Variants in SLC24A2 observed in about 807,000 individuals in gnomAD.
SLC24A2 encodes solute carrier family 24 member 2.
Under a neutral mutation model 62.0 loss-of-function variants are expected in SLC24A2, and 36 were observed. The observed-to-expected ratio is 0.58, with a 90% CI of 0.44 to 0.77. SLC24A2 has a LOEUF of 0.77. SLC24A2 is among the 30% of genes least tolerant of loss of function. SLC24A2 has a pLI of 0.00. For synonymous variants in SLC24A2, 358 were observed against 294.0 expected (o/e 1.22, Z -2.23); for missense variants, 846 against 817.9 (o/e 1.03, Z -0.42).
chr9:19,561,646 G>A (rs1263421052), intron 7 of SLC24A2, among the ~76,000 whole-genome samples: 2 of 151,366 alleles, frequency 1.3e-5, no homozygotes, highest in East Asian at 3.9e-4. Flanking sequence ...CATCCAGGAT[G>A]GTCTTGACCT....
chr9:19,653,854 C>T (rs1413555655), intron 2 of SLC24A2, among the ~76,000 whole-genome samples: 1 of 152,180 alleles, frequency 6.6e-6, no homozygotes, highest in African/African-American at 2.4e-5. Flanking sequence ...CTCAAAGTTG[C>T]AGCCTCAGAG....
At chr9:19,838,364 A>T in the SLC24A2 span, among the ~76,000 whole-genome samples, 2 of 152,142 alleles carry the variant, frequency 1.3e-5, no homozygotes, top group Non-Finnish European at 2.9e-5. Flanking sequence ...CTGGCTAGCC[A>T]TATGGAGAAA....
At chr9:20,092,259 T>C in the SLC24A2 span, among the ~76,000 whole-genome samples, 1 of 152,204 alleles carries the variant, frequency 6.6e-6, no homozygotes, top group Non-Finnish European at 1.5e-5. Context: ...AAGAAAAAGA[T>C]GTGTTAATTG....
chr9:20,118,161 C>G, the SLC24A2 span, among the ~76,000 whole-genome samples: 4 of 152,036 alleles, frequency 2.6e-5, no homozygotes, highest in South Asian at 6.2e-4. Context: ...TTATCTACCC[C>G]TGTGTAGAGC....
chr9:20,113,461 G>A, the SLC24A2 span, among the ~76,000 whole-genome samples: 2 of 152,100 alleles, frequency 1.3e-5, no homozygotes, highest in African/African-American at 4.8e-5. Flanking sequence ...TTATGATGAT[G>A]ATTATTATGT....
At position 19,576,905 on chromosome 9, in the gene SLC24A2, G is replaced by C; in HGVS notation, c.1228+19C>G. On this transcript the variant is annotated intron_variant, in intron 6 of 10. Coordinates refer to ENST00000341998, the MANE Select transcript of SLC24A2 (RefSeq NM_020344.4). Reference sequence around the variant, plus strand: ...CTTCCCCCAGGAAAGGTATGGGGTGGATGTTTCCCTGCACTCACCCACGTG... The same window carrying C: ...CTTCCCCCAGGAAAGGTATGGGGTGCATGTTTCCCTGCACTCACCCACGTG... 1 of 1,575,808 alleles carries C rather than the reference G, an allele frequency of 6.3e-7. No individual in the cohort carries two copies. Among genetic ancestry groups the C allele is most frequent in the Non-Finnish European group, 8.7e-7 (1 of 1,145,038 alleles).
the SLC24A2 span, among the ~76,000 whole-genome samples, chr9:20,027,447 C>G: frequency 6.6e-6 from 1 of 152,104 alleles, no homozygotes; most frequent in Admixed American, 6.5e-5. Flanking sequence ...GGCCTATATA[C>G]ACAATGAAAT....
chr9:20,123,311 C>T, the SLC24A2 span, among the ~76,000 whole-genome samples: 8 of 152,150 alleles, frequency 5.3e-5, no homozygotes, highest in Non-Finnish European at 1.2e-4. Context: ...AATACTATCA[C>T]CTTGAAGGTT....
At chr9:19,532,209 A>C (rs78934697) in intron 8 of SLC24A2, among the ~76,000 whole-genome samples, 7,169 of 152,010 alleles carry the variant, frequency 0.047, 536 homozygotes, top group African/African-American at 0.16. Context: ...CAGCCTCCTG[A>C]GGTAGGGTTT....
chr9:20,019,911 G>A, the SLC24A2 span, among the ~76,000 whole-genome samples: 1 of 149,274 alleles, frequency 6.7e-6, no homozygotes, highest in Non-Finnish European at 1.5e-5. Flanking sequence ...GTGGGTAAAG[G>A]ATAAGAACAG....
chr9:19,747,713 G>A lies in SLC24A2; in HGVS notation c.930+38224C>T, dbSNP rs563532299. Among the ~76,000 whole-genome samples the A allele has an allele frequency of 3.3e-5, 5 of 152,258 alleles. No homozygotes were observed. The South Asian group carries it at 1.0e-3, about 32-fold the overall frequency. Reference sequence around the variant, plus strand: ...TACCTGCTCCATGTGACACAGGACAGATCAAATGCAAATGTGTCACCATAG... The same window carrying A: ...TACCTGCTCCATGTGACACAGGACAAATCAAATGCAAATGTGTCACCATAG... On this transcript the variant is annotated intron_variant, in intron 2 of 10. Transcript: ENST00000341998.
chr9:20,211,720 ACC>A, the SLC24A2 span, among the ~76,000 whole-genome samples: 1 of 152,142 alleles, frequency 6.6e-6, no homozygotes, highest in African/African-American at 2.4e-5. Flanking sequence ...CTAGAACTAA[ACC>A]CCCAATTTAT....
the SLC24A2 span, among the ~76,000 whole-genome samples, chr9:20,278,222 C>G: frequency 1.3e-5 from 2 of 152,078 alleles, no homozygotes; most frequent in Admixed American, 6.5e-5. Flanking sequence ...TACCCTAGAA[C>G]TTAAAGTATA....
chr9:20,101,074 T>C, the SLC24A2 span, among the ~76,000 whole-genome samples: 1 of 152,344 alleles, frequency 6.6e-6, no homozygotes, highest in East Asian at 1.9e-4. Flanking sequence ...TGATGATAAT[T>C]CCATTAGCAA....
the SLC24A2 span, among the ~76,000 whole-genome samples, chr9:20,018,864 G>C: frequency 2.6e-5 from 4 of 151,998 alleles, no homozygotes; most frequent in African/African-American, 4.8e-5. Flanking sequence ...AGGAGTTAAA[G>C]ACAAGCCTGG....
At chr9:20,103,665 A>C in the SLC24A2 span, among the ~76,000 whole-genome samples, 1 of 152,204 alleles carries the variant, frequency 6.6e-6, no homozygotes, top group African/African-American at 2.4e-5. Context: ...AAACTAACAA[A>C]CAGAAAGGAC....
the SLC24A2 span, among the ~76,000 whole-genome samples, chr9:20,196,029 G>C: frequency 6.6e-6 from 1 of 152,030 alleles, no homozygotes; most frequent in Non-Finnish European, 1.5e-5. Flanking sequence ...ATAGCATTAA[G>C]CGAATATAAT....
the SLC24A2 span, among the ~76,000 whole-genome samples, chr9:20,227,897 C>T: frequency 0.014 from 2,075 of 152,276 alleles, 20 homozygotes; most frequent in Middle Eastern, 0.024. Context: ...AATGTAGTCA[C>T]AGAAATTCTG....
At chr9:19,698,494 A>G (rs1417262212) in intron 2 of SLC24A2, among the ~76,000 whole-genome samples, 1 of 152,204 alleles carries the variant, frequency 6.6e-6, no homozygotes, top group African/African-American at 2.4e-5. Flanking sequence ...TGTGTCTACA[A>G]AAATAAAATG....
Sources: gnomAD v4.1 joint callset for allele counts (sites outside exome capture counted in the v4.1 genomes callset) on GRCh38, gnomAD v4.1.1 for gene constraint, MANE v1.5 for transcripts, NCBI Gene and HGNC (gene_info 2026-07-23, HGNC 2026-07-21) for gene names.